The following DPP10 variants were observed in gnomAD, a reference collection of about 807,000 sequenced individuals.
The protein encoded by DPP10 is dipeptidyl peptidase like 10, also known as inactive dipeptidyl peptidase 10.
In DPP10, 33 loss-of-function variants were observed where a neutral mutation model predicts 120.9. The observed-to-expected ratio is 0.27, with a 90% CI of 0.21 to 0.37. The LOEUF (loss-of-function observed/expected upper bound fraction) is 0.37. DPP10 is among the 10% of genes least tolerant of loss of function. The pLI, the probability that DPP10 is intolerant of heterozygous loss-of-function variation, is 1.00. For synonymous variants in DPP10, 337 were observed against 326.1 expected, an observed-to-expected ratio of 1.03 and a Z score of -0.36; for missense variants, 816 against 942.8, an observed-to-expected ratio of 0.87 and a Z score of 1.76.
intron 1 of DPP10, among the ~76,000 whole-genome samples, chr2:115,246,761 T>C (rs750355809): frequency 6.6e-6 from 1 of 152,138 alleles, no homozygotes; most frequent in African/African-American, 2.4e-5. Context: ...TGTATACTTA[T>C]TTTACCCATT....
intron 1 of DPP10, among the ~76,000 whole-genome samples, chr2:114,921,162 C>T (rs1203718504): frequency 6.6e-6 from 1 of 152,170 alleles, no homozygotes; most frequent in East Asian, 1.9e-4. Flanking sequence ...GAAATGTTGG[C>T]TTAAGGAACA....
chr2:115,048,518 A>G (rs1325145939), intron 1 of DPP10, among the ~76,000 whole-genome samples: 4 of 152,088 alleles, frequency 2.6e-5, no homozygotes, highest in African/African-American at 9.7e-5. Flanking sequence ...TTTCCTGCTT[A>G]AAATCACCAG....
At chr2:115,167,510 G>A (rs1038540780) in intron 1 of DPP10, among the ~76,000 whole-genome samples, 1 of 151,720 alleles carries the variant, frequency 6.6e-6, no homozygotes, top group Admixed American at 6.6e-5. Flanking sequence ...AGGAGGCTGC[G>A]GTGGGAGGAT....
chr2:115,651,971 G>A (rs1025991803), intron 5 of DPP10, among the ~76,000 whole-genome samples: 1 of 151,972 alleles, frequency 6.6e-6, no homozygotes, highest in African/African-American at 2.4e-5. Context: ...GACATCTGTA[G>A]GTTAAGAGGA....
At chr2:115,357,039 T>C (rs1194681683) in intron 3 of DPP10, among the ~76,000 whole-genome samples, 6 of 152,226 alleles carry the variant, frequency 3.9e-5, no homozygotes, top group Admixed American at 3.9e-4. Flanking sequence ...ATCTTTTGTA[T>C]TATCCAGCAT....
intron 3 of DPP10, among the ~76,000 whole-genome samples, chr2:115,456,240 C>T (rs1269243723): frequency 6.6e-6 from 1 of 152,072 alleles, no homozygotes; most frequent in African/African-American, 2.4e-5. Flanking sequence ...TAGAGAAATG[C>T]AAATCAAAAC....
intron 3 of DPP10, among the ~76,000 whole-genome samples, chr2:115,444,368 C>T (rs560608150): frequency 6.6e-6 from 1 of 152,264 alleles, no homozygotes; most frequent in South Asian, 2.1e-4. Context: ...ACTCAGGCAC[C>T]TGCACTTTCC....
chr2:114,784,562 A>C (rs920108529), intron 1 of DPP10, among the ~76,000 whole-genome samples: 1 of 152,080 alleles, frequency 6.6e-6, no homozygotes, highest in Non-Finnish European at 1.5e-5. Context: ...GGTTGATCCA[A>C]ACGGGCTAAT....
intron 1 of DPP10, among the ~76,000 whole-genome samples, chr2:114,509,006 G>A (rs763101407): frequency 7.9e-5 from 12 of 152,136 alleles, no homozygotes; most frequent in Admixed American, 5.9e-4. Flanking sequence ...AAGAGACAGC[G>A]AGAGTGAGAA....
intron 1 of DPP10, among the ~76,000 whole-genome samples, chr2:114,890,406 C>T (rs1377489476): frequency 6.6e-6 from 1 of 152,196 alleles, no homozygotes; most frequent in African/African-American, 2.4e-5. Context: ...CACTAATCGC[C>T]TTTCCCCAAA....
At chr2:115,068,415 A>C (rs898104805) in intron 1 of DPP10, among the ~76,000 whole-genome samples, 7 of 150,996 alleles carry the variant, frequency 4.6e-5, no homozygotes, top group Non-Finnish European at 8.9e-5. Flanking sequence ...TTTTTTAATT[A>C]GGTTATTTGT....
intron 1 of DPP10, among the ~76,000 whole-genome samples, chr2:115,210,866 G>T (rs1249859814): frequency 1.3e-5 from 2 of 151,790 alleles, no homozygotes; most frequent in African/African-American, 4.8e-5. Flanking sequence ...TGATGGGGTT[G>T]TTTTTTTCTT....
chr2:115,700,402 A>C (rs35598417), intron 7 of DPP10, among the ~76,000 whole-genome samples: 11,932 of 152,214 alleles, frequency 0.078, 549 homozygotes, highest in South Asian at 0.14. Flanking sequence ...CTAAAAAAAA[A>C]CAACAAACTA....
chr2:115,128,920 T>G (rs1281576056), intron 1 of DPP10, among the ~76,000 whole-genome samples: 1 of 152,128 alleles, frequency 6.6e-6, no homozygotes, highest in Admixed American at 6.5e-5. Context: ...AAACCACGAA[T>G]AGATAAGGAG....
intron 1 of DPP10, among the ~76,000 whole-genome samples, chr2:114,687,345 C>G (rs1699439178): frequency 6.6e-6 from 1 of 151,956 alleles, no homozygotes; most frequent in South Asian, 2.1e-4. Context: ...AAGGTGCTAA[C>G]AGTTACTTTA....
intron 1 of DPP10, among the ~76,000 whole-genome samples, chr2:115,267,558 A>G (rs757534653): frequency 1.3e-5 from 2 of 152,010 alleles, no homozygotes; most frequent in Non-Finnish European, 2.9e-5. Context: ...TCAGCACTGC[A>G]TCGCTCTCTG....
At position 115,792,763 on chromosome 2, in the gene DPP10, C is replaced by T. The variant is rs139691062; in HGVS notation, c.1700+1407C>T. Among the ~76,000 whole-genome samples the T allele has an allele frequency of 8.5e-5, 13 of 152,250 alleles. No individual in the cohort carries two copies. In the East Asian group the frequency reaches 1.7e-3, roughly 20 times the overall value. ...TCAAACCCATCTTCTATCTCAGTCA[C>T]GTCTCCCTTTGGTAAAAGGAAATGT... On this transcript the variant is annotated intron_variant, in intron 19 of 25. Transcript: ENST00000410059.
rs1231148304 is a variant in DPP10 at position 114,461,996 on chromosome 2, G to T, written c.60+19158G>T. 6.1e-6 allele frequency: 6 copies of T among 985,232 alleles called. No homozygotes were observed. The South Asian group carries it at 2.8e-4, about 46-fold the overall frequency. 61.0% of individuals were successfully genotyped at this position (985,232 alleles called of 1,614,324 possible). ...CAGAAGTCTCCCTGCTGAATCGAAA[G>T]GAAGTGCTACAATATTCTTTCAAAT... On this transcript the variant is annotated intron_variant, in intron 1 of 25. Transcript: ENST00000410059.
chr2:114,816,415 G>T (rs1187643718), intron 1 of DPP10, among the ~76,000 whole-genome samples: 1 of 152,064 alleles, frequency 6.6e-6, no homozygotes, highest in Non-Finnish European at 1.5e-5. Context: ...ATAGGTGATG[G>T]GCTAGACTTG....
Sources: allele counts gnomAD v4.1 joint callset (sites outside exome capture counted in the v4.1 genomes callset), GRCh38; gene constraint gnomAD v4.1.1; transcripts MANE v1.5; gene names NCBI Gene and HGNC (gene_info 2026-07-23, HGNC 2026-07-21).